Variants in PYGM observed in about 807,000 individuals in gnomAD.
The protein encoded by PYGM is glycogen phosphorylase, muscle form.
PYGM carries 81 observed loss-of-function variants against 99.3 expected under a neutral mutation model. The observed-to-expected ratio is 0.82, with a 90% CI of 0.68 to 0.98. PYGM has a LOEUF of 0.98. PYGM is among the 50% of genes least tolerant of loss of function. PYGM has a pLI of 0.00. For missense variants in PYGM, 1,030 were observed against 1,158.1 expected (o/e 0.89, Z 1.61); for synonymous variants, 436 against 451.5 (o/e 0.97, Z 0.44).
intron 10 of PYGM, 30 bp downstream of exon 10, chr11:64,753,849 C>T (rs1238140237): frequency 1.9e-6 from 3 of 1,554,364 alleles, no homozygotes; most frequent in Middle Eastern, 2.0e-4. Flanking sequence ...CCCCTCACCC[C>T]CACACCATCC....
Position 64,758,225 on chromosome 11 carries a change from GT to G in PYGM, c.528+20del. The G allele has an allele frequency of 6.3e-7, 1 of 1,591,866 alleles. No individual in the cohort carries two copies. The highest frequency in any genetic ancestry group is 1.7e-4 in the Middle Eastern group (1 of 6,004). Reference sequence around the variant, plus strand: ...TCCCCATCCTGACTAGACCCCACAAGTTAGAGCCAAGGCTGCTCACCTGCCA... The same window carrying G: ...TCCCCATCCTGACTAGACCCCACAAGTAGAGCCAAGGCTGCTCACCTGCCA... On this transcript the variant is annotated intron_variant, in intron 4 of 19. Transcript: ENST00000164139.
chr11:64,760,236 CAAG>C (rs2058425969), upstream of PYGM: 2 of 321,318 alleles, frequency 6.2e-6, no homozygotes, highest in South Asian at 6.9e-5. Context: ...GGGTTGGATA[CAAG>C]AAGGAGCAGG....
intron 17 of PYGM, 32 bp from the exon 18 acceptor site, chr11:64,747,390 GA>G: frequency 6.2e-7 from 1 of 1,613,846 alleles, no homozygotes; most frequent in South Asian, 1.1e-5. Flanking sequence ...CAGCTCCCCG[GA>G]AAGGGGTTCC....
rs925541886 is a variant in PYGM, at chr11:64,753,090, C to T, written c.1501G>A (p.Ala501Thr). The stretch of plus-strand genomic sequence containing the variant: ...CCTCTCACCTCAGCAATGACCTCTG[C>T]CAGCCCGGGGTTACACAGAACCAGC... The part of the protein sequence containing the change: ...RWLVLCNPGL[A>T]EVIAERIGED... The change falls in exon 12 of 20, where the codon GCA becomes ACA. Residue 501 changes from alanine to threonine, a missense_variant. Ala to Thr is a moderately conservative substitution (Grantham distance 58). Coordinates refer to ENST00000164139, the MANE Select transcript of PYGM (RefSeq NM_005609.4). 1.2e-6 allele frequency: 2 copies of T among 1,613,366 alleles called. No individual in the cohort carries two copies. The highest frequency in any genetic ancestry group is 1.7e-6 in the Non-Finnish European group (2 of 1,179,296).
At position 64,759,752 on chromosome 11, in the gene PYGM, T is replaced by C; in HGVS notation, c.147A>G (p.Pro49=). 1 of 1,614,160 alleles carries C rather than the reference T, an allele frequency of 6.2e-7. No individual in the cohort carries two copies. Among genetic ancestry groups the C allele is most frequent in the South Asian group, 1.1e-5 (1 of 91,076 alleles). Residue 49 remains proline, a synonymous_variant, in exon 1 of 20, where the codon CCA becomes CCG. Coordinates refer to ENST00000164139, the MANE Select transcript of PYGM (RefSeq NM_005609.4). ...GGGCCAGAGCAAAGTAGTAGTCTCG[T>C]GGGGTGGCCACATTGCGGTCCTTTA... is the stretch of plus-strand genomic sequence containing the variant. ...TLVKDRNVAT[P]RDYYFALAHT...
intron 17 of PYGM, chr11:64,747,632 C>T (rs564455495): frequency 1.2e-5 from 6 of 480,674 alleles, no homozygotes; most frequent in East Asian, 4.0e-5. Context: ...TTCTCCCACA[C>T]GCCACTGCTG....
Position 64,755,692 on chromosome 11 carries a change from G to C in PYGM, c.661-134C>G. 1 of 711,398 alleles carries C rather than the reference G, an allele frequency of 1.4e-6. No individual in the cohort carries two copies. The allele number at this position is 711,398 out of a possible 1,614,324, so 44.1% of individuals were successfully genotyped here. A position where few individuals can be genotyped will look rare whatever the true frequency, so the allele number is the denominator to read the frequency against. ...GTCCTTGTCTAGCATCGATGAGCTGGGTAACCATGAGCAAACCCCATAGTC... is the reference window on the plus strand; with the variant it reads ...GTCCTTGTCTAGCATCGATGAGCTGCGTAACCATGAGCAAACCCCATAGTC... On this transcript the variant is annotated intron_variant, in intron 5 of 19. Transcript: ENST00000164139. The surrounding 1 kb of genome is among the most constrained non-coding windows in gnomAD (Gnocchi z 4.1).
intron 12 of PYGM, among the ~76,000 whole-genome samples, chr11:64,752,854 A>T (rs1006510515): frequency 6.6e-6 from 1 of 151,962 alleles, no homozygotes; most frequent in African/African-American, 2.4e-5. Context: ...TGCTGTGTTC[A>T]CCTCCACAGC....
Position 64,755,251 on chromosome 11 carries a change from C to T in PYGM, c.855+22G>A. ...CTGCCAAGGACTCAGGCTTCCAGCC[C>T]CCAGCCCAGGGGGTGACGCACATTA... On this transcript the variant is annotated intron_variant, in intron 7 of 19. Transcript: ENST00000164139. The surrounding 1 kb of genome is among the most constrained non-coding windows in gnomAD (Gnocchi z 4.1). 6.2e-7 allele frequency: 1 copy of T among 1,611,606 alleles called. No homozygotes were observed.
At chr11:64,747,433 C>T in intron 17 of PYGM, 75 bp from the exon 18 acceptor site, 1 of 1,603,114 alleles carries the variant, frequency 6.2e-7, no homozygotes, top group Non-Finnish European at 8.5e-7. Flanking sequence ...GCTGAGAAGT[C>T]CCATGCCCCA....
At chr11:64,752,536 C>A in intron 12 of PYGM, 32 bp from the exon 13 acceptor site, 1 of 1,583,628 alleles carries the variant, frequency 6.3e-7, no homozygotes. Flanking sequence ...CCAAGCCCAT[C>A]CCCATGTCCT....
chr11:64,750,373 T>TA lies in PYGM; in HGVS notation c.2177+2dup. ...TTTTGCCCGTGAACCCTGACCCCCA[T>TA]ACCCTCTTTGGTCAAGCTTATCCAC... On this transcript the variant is annotated splice_region_variant and intron_variant, in intron 17 of 19. Transcript: ENST00000164139. 1 of 1,613,904 alleles carries TA rather than the reference T, an allele frequency of 6.2e-7. No homozygotes were observed. Among genetic ancestry groups the TA allele is most frequent in the Non-Finnish European group, 8.5e-7 (1 of 1,179,896 alleles).
chr11:64,748,411 G>A (rs995948341), intron 17 of PYGM: 4 of 152,200 alleles, frequency 2.6e-5, no homozygotes, highest in African/African-American at 9.7e-5. Flanking sequence ...ACTTCTTTCA[G>A]TGTTTAATGC....
intron 1 of PYGM, among the ~76,000 whole-genome samples, chr11:64,759,096 T>C (rs897992431): frequency 1.3e-4 from 2 of 15,486 alleles, no homozygotes; most frequent in African/African-American, 3.5e-4. Context: ...CCTTGCACTG[T>C]CCAGTTCCCC....
intron 13 of PYGM, 97 bp downstream of exon 13, chr11:64,752,306 G>T: frequency 6.8e-7 from 1 of 1,463,328 alleles, no homozygotes. Flanking sequence ...TGGGCTGGCA[G>T]GAGAGATGAG....
intron 17 of PYGM, among the ~76,000 whole-genome samples, chr11:64,749,681 T>G (rs1399210510): frequency 2.6e-5 from 4 of 151,978 alleles, no homozygotes; most frequent in African/African-American, 9.7e-5. Context: ...AATAAAATTT[T>G]TTAATGTAAT....
rs1353285533 is a variant in PYGM at position 64,754,422 on chromosome 11, GC to G, written c.1000-78del. On this transcript the variant is annotated intron_variant, in intron 8 of 19. Coordinates refer to ENST00000164139, the MANE Select transcript of PYGM (RefSeq NM_005609.4). The surrounding 1 kb of genome is among the most constrained non-coding windows in gnomAD (Gnocchi z 5.5). Reference sequence around the variant, plus strand: ...GGTCACTGCCCTATGCCATTTGGAGGCCCCCAGAGAGCCCAGCACGGTTCTG... The same window carrying G: ...GGTCACTGCCCTATGCCATTTGGAGGCCCCAGAGAGCCCAGCACGGTTCTG... 1.3e-5 allele frequency: 15 copies of G among 1,160,434 alleles called. No individual in the cohort carries two copies. The highest frequency in any genetic ancestry group is 1.8e-5 in the Non-Finnish European group (15 of 827,486). The allele number at this position is 1,160,434 out of a possible 1,614,324, so 71.9% of individuals were successfully genotyped here.
rs2058423702 is a variant in PYGM, at chr11:64,759,930, T to C, written c.-32A>G. The C allele has an allele frequency of 6.2e-7, 1 of 1,611,490 alleles. No individual in the cohort carries two copies. Among genetic ancestry groups the C allele is most frequent in the Non-Finnish European group, 8.5e-7 (1 of 1,178,468 alleles). Reference sequence around the variant, plus strand: ...AGGAGGGCGGGCCGGACTGGACTGATGGTAGAGGGGACGGCGGCCTCAGCA... The same window carrying C: ...AGGAGGGCGGGCCGGACTGGACTGACGGTAGAGGGGACGGCGGCCTCAGCA... On this transcript the variant is annotated 5_prime_UTR_variant, in exon 1 of 20. Coordinates refer to ENST00000164139, the MANE Select transcript of PYGM (RefSeq NM_005609.4).
At chr11:64,758,049 G>T in intron 4 of PYGM, 139 bp from the exon 5 acceptor site, 1 of 1,426,444 alleles carries the variant, frequency 7.0e-7, no homozygotes, top group Non-Finnish European at 9.6e-7. Context: ...TGGGCCCCTG[G>T]TCTGCTGGGC....
Sources: allele counts gnomAD v4.1 joint callset (sites outside exome capture counted in the v4.1 genomes callset), GRCh38; gene constraint gnomAD v4.1.1; non-coding constraint Gnocchi (gnomAD v3.1); transcripts MANE v1.5; gene names NCBI Gene and HGNC (gene_info 2026-07-23, HGNC 2026-07-21).